Variants in CEP128 observed in about 807,000 individuals in gnomAD.
CEP128 encodes the protein centrosomal protein 128kDa.
A neutral mutation model predicts 156.7 loss-of-function variants in CEP128; 132 were observed. That is an observed-to-expected ratio of 0.84 (90% CI 0.73 to 0.97). The LOEUF (loss-of-function observed/expected upper bound fraction) is 0.97, where lower values mean the gene tolerates loss of function less well. Ranked by LOEUF, CEP128 falls within the 50% of genes least tolerant of loss-of-function variation. The pLI is 0.00. For synonymous variants in CEP128, 469 were observed against 448.9 expected, an observed-to-expected ratio of 1.04 and a Z score of -0.57; for missense variants, 1,252 against 1,281.9, an observed-to-expected ratio of 0.98 and a Z score of 0.36.
intron 15 of CEP128, among the ~76,000 whole-genome samples, chr14:80,781,172 T>C (rs1438744186): frequency 1.3e-5 from 2 of 152,122 alleles, no homozygotes; most frequent in African/African-American, 2.4e-5. Flanking sequence ...TAAAAGGTAA[T>C]GAACGCGCCA....
chr14:80,606,693 G>T (rs1042989271), intron 19 of CEP128, among the ~76,000 whole-genome samples: 3 of 151,988 alleles, frequency 2.0e-5, no homozygotes, highest in Admixed American at 2.0e-4. Flanking sequence ...AATCCCTAAG[G>T]TTTAGGAAGG....
chr14:80,722,688 C>T (rs1897864676), intron 19 of CEP128, among the ~76,000 whole-genome samples: 1 of 151,944 alleles, frequency 6.6e-6, no homozygotes. Flanking sequence ...ATAATTTTGT[C>T]ACTAAAACAG....
chr14:80,926,748 C>G (rs1885172993), intron 2 of CEP128, among the ~76,000 whole-genome samples: 1 of 152,204 alleles, frequency 6.6e-6, no homozygotes, highest in African/African-American at 2.4e-5. Flanking sequence ...CCAGCACAGC[C>G]CATTACAATA....
chr14:80,638,000 C>A (rs941332198), intron 19 of CEP128, among the ~76,000 whole-genome samples: 19 of 152,318 alleles, frequency 1.2e-4, no homozygotes, highest in African/African-American at 4.6e-4. Context: ...CTCAGCAAAA[C>A]TGACTTCAGA....
chr14:80,532,883 G>A (rs568967285), intron 21 of CEP128, among the ~76,000 whole-genome samples: 1 of 152,052 alleles, frequency 6.6e-6, no homozygotes. Flanking sequence ...CCTTTACTCT[G>A]CCATTCTGAA....
At chr14:80,593,748 AG>A (rs1259759936) in intron 19 of CEP128, among the ~76,000 whole-genome samples, 2 of 152,152 alleles carry the variant, frequency 1.3e-5, no homozygotes, top group African/African-American at 4.8e-5. Context: ...TAAAATATCT[AG>A]GAATACAACT....
At chr14:80,728,779 TA>T (rs1898115957) in intron 19 of CEP128, among the ~76,000 whole-genome samples, 1 of 152,230 alleles carries the variant, frequency 6.6e-6, no homozygotes, top group Non-Finnish European at 1.5e-5. Flanking sequence ...TTTGTAGCAG[TA>T]ATAACTATGT....
chr14:80,645,255 A>G (rs1595142039), intron 19 of CEP128, among the ~76,000 whole-genome samples: 1 of 152,298 alleles, frequency 6.6e-6, no homozygotes, highest in Non-Finnish European at 1.5e-5. Context: ...AACAGTTTTC[A>G]TTTCAAAACA....
Position 80,895,770 on chromosome 14 carries a change from CT to C in CEP128, c.592del (p.Arg198GlyfsTer6). On this transcript the variant is annotated frameshift_variant, in exon 8 of 25. Coordinates refer to ENST00000555265, the MANE Select transcript of CEP128 (RefSeq NM_152446.5). LOFTEE classifies it high-confidence loss of function. ...RRSRSDAETK[R>X]ALEELTEKLN... ...TTTTTCAGTCAATTCTTCCAAAGCC[CT>C]TTTTGTTTCGGCATCTGACCTAGGA... The C allele has an allele frequency of 6.5e-7, 1 of 1,531,030 alleles. No homozygotes were observed. Among genetic ancestry groups the C allele is most frequent in the Admixed American group, 2.0e-5 (1 of 51,140 alleles). 94.8% of individuals were successfully genotyped at this position (1,531,030 alleles called of 1,614,324 possible).
intron 19 of CEP128, among the ~76,000 whole-genome samples, chr14:80,729,058 G>GGTGGGTGTGTGTGTGTGT (rs1898143455): frequency 9.5e-6 from 1 of 105,024 alleles, no homozygotes; most frequent in African/African-American, 5.0e-5. Flanking sequence ...GGCTGGTGGG[G>GGTGGGTGTGTGTGTGTGT]GTGTGTGTGT....
chr14:80,506,335 CTT>C (rs398057291), intron 23 of CEP128, among the ~76,000 whole-genome samples: 9 of 126,852 alleles, frequency 7.1e-5, no homozygotes, highest in Admixed American at 8.8e-5. Flanking sequence ...ATTTGAAACT[CTT>C]TTTTTTTTTT....
intron 14 of CEP128, among the ~76,000 whole-genome samples, chr14:80,791,371 G>A (rs1306055491): frequency 1.3e-5 from 2 of 152,116 alleles, no homozygotes; most frequent in East Asian, 3.8e-4. Flanking sequence ...AGTATTCTGG[G>A]AAATGATTGT....
At chr14:80,511,050 T>TG (rs1432449638) in intron 23 of CEP128, among the ~76,000 whole-genome samples, 4 of 55,392 alleles carry the variant, frequency 7.2e-5, no homozygotes, top group Non-Finnish European at 2.6e-4. Context: ...TATTGGCCTG[T>TG]GGGTTTTTTT....
intron 19 of CEP128, among the ~76,000 whole-genome samples, chr14:80,634,661 T>C (rs1894107727): frequency 1.3e-5 from 2 of 152,200 alleles, no homozygotes; most frequent in Non-Finnish European, 2.9e-5. Flanking sequence ...GAAGCCAACC[T>C]CGCAAGTTTA....
At chr14:80,720,585 C>T (rs72690962) in intron 19 of CEP128, among the ~76,000 whole-genome samples, 14,490 of 152,124 alleles carry the variant, frequency 0.095, 940 homozygotes, top group Non-Finnish European at 0.15. Context: ...GAAGATTGTC[C>T]GAGAAATTAT....
intron 13 of CEP128, among the ~76,000 whole-genome samples, chr14:80,798,420 A>C (rs2139871405): frequency 6.6e-6 from 1 of 152,340 alleles, no homozygotes; most frequent in East Asian, 1.9e-4. Context: ...AAATTACGCA[A>C]GACATGTTCA....
chr14:80,802,762 G>A (rs1260937765), intron 13 of CEP128, among the ~76,000 whole-genome samples: 1 of 152,086 alleles, frequency 6.6e-6, no homozygotes, highest in Non-Finnish European at 1.5e-5. Context: ...TCTAGCAGGA[G>A]AATAACATGA....
chr14:80,575,052 A>G (rs988345875), intron 20 of CEP128, among the ~76,000 whole-genome samples: 5 of 150,852 alleles, frequency 3.3e-5, no homozygotes, highest in South Asian at 2.1e-4. Context: ...TTAAATATAT[A>G]TATTCAAGAT....
In CEP128 at chr14:80,861,082, T is replaced by C. The variant is rs1187720731; in HGVS notation, c.762+1675A>G. ...ATATAATAAAATAAAAATCCATGAG[T>C]GCACATAACAAAAAGTTCTTTCTTA... On this transcript the variant is annotated intron_variant, in intron 9 of 24. Transcript: ENST00000555265. 2.0e-5 allele frequency among the ~76,000 whole-genome samples: 3 copies of C among 151,806 alleles called. No individual in the cohort carries two copies. In the East Asian group the frequency reaches 5.8e-4, roughly 29 times the overall value.
Sources: allele counts gnomAD v4.1 joint callset (sites outside exome capture counted in the v4.1 genomes callset), GRCh38; gene constraint gnomAD v4.1.1; transcripts MANE v1.5; gene names NCBI Gene and HGNC (gene_info 2026-07-23, HGNC 2026-07-21).